Variants in ARMH4 observed in about 807,000 individuals in gnomAD.
ARMH4 encodes the protein armadillo-like helical domain-containing protein 4.
Under a neutral mutation model 61.9 loss-of-function variants are expected in ARMH4, and 49 were observed. The ratio of observed to expected loss-of-function variants is 0.79; its 90% confidence interval spans 0.63 to 1.00. ARMH4 has a LOEUF of 1.00. ARMH4 is among the 50% of genes least tolerant of loss of function. The pLI is 0.00. For missense variants in ARMH4, 934 were observed against 930.0 expected, an observed-to-expected ratio of 1.00 and a Z score of -0.06; for synonymous variants, 368 against 341.5, an observed-to-expected ratio of 1.08 and a Z score of -0.85.
At chr14:58,097,777 T>C (rs563845216) in intron 4 of ARMH4, among the ~76,000 whole-genome samples, 91 of 151,938 alleles carry the variant, frequency 6.0e-4, no homozygotes, top group African/African-American at 2.0e-3. Flanking sequence ...GTGATCATGG[T>C]TCACCACAGT....
chr14:58,047,732 A>G (rs1883990105), intron 5 of ARMH4, among the ~76,000 whole-genome samples: 1 of 152,198 alleles, frequency 6.6e-6, no homozygotes, highest in East Asian at 1.9e-4. Flanking sequence ...TAAGAATCTG[A>G]GGCAATGAAT....
At chr14:58,063,264 C>T (rs1399185649) in intron 5 of ARMH4, among the ~76,000 whole-genome samples, 1 of 152,192 alleles carries the variant, frequency 6.6e-6, no homozygotes, top group Non-Finnish European at 1.5e-5. Context: ...TGTCCCTCTT[C>T]TTATAGGGAC....
chr14:58,151,790 T>TGCGGAGCTGGGAGGCTGGGCTGGA (rs1594788709), intron 1 of ARMH4, among the ~76,000 whole-genome samples: 1 of 152,226 alleles, frequency 6.6e-6, no homozygotes, highest in East Asian at 1.9e-4. Flanking sequence ...GGCTCGCTGG[T>TGCGGAGCTGGGAGGCTGGGCTGGA]GCGGAGCTGG....
intron 5 of ARMH4, among the ~76,000 whole-genome samples, chr14:58,057,036 G>T (rs1199639881): frequency 1.3e-5 from 2 of 152,082 alleles, no homozygotes; most frequent in Non-Finnish European, 2.9e-5. Context: ...ACTTCAGAAG[G>T]ACCCTGGATC....
chr14:58,116,554 T>C (rs1217741592), intron 4 of ARMH4: 4 of 186,156 alleles, frequency 2.1e-5, no homozygotes, highest in Non-Finnish European at 2.3e-5. Flanking sequence ...TGCACATCTC[T>C]AGTCCCAGAT....
Position 58,004,517 on chromosome 14 carries a change from T to C in ARMH4, c.*219A>G. The C allele has an allele frequency of 4.9e-6, 2 of 411,066 alleles. No individual in the cohort carries two copies. Among genetic ancestry groups the C allele is most frequent in the Non-Finnish European group, 4.4e-6 (1 of 227,070 alleles). The allele number at this position is 411,066 out of a possible 1,614,324, so 25.5% of individuals were successfully genotyped here. On this transcript the variant is annotated 3_prime_UTR_variant, in exon 8 of 8. Coordinates refer to ENST00000267485, the MANE Select transcript of ARMH4 (RefSeq NM_001001872.4). ...AGTTGTAGCCCACGGTTGTGGAAAA[T>C]TCACTACAGAATAAAACCAAATACT... is the stretch of plus-strand genomic sequence containing the variant.
intron 5 of ARMH4, among the ~76,000 whole-genome samples, chr14:58,081,655 C>A (rs1229136678): frequency 6.6e-6 from 1 of 152,030 alleles, no homozygotes; most frequent in Non-Finnish European, 1.5e-5. Flanking sequence ...CACCCACCAC[C>A]ACGCCTGGCT....
At chr14:58,133,985 G>A (rs1388309705) in intron 2 of ARMH4, among the ~76,000 whole-genome samples, 5 of 152,184 alleles carry the variant, frequency 3.3e-5, no homozygotes, top group African/African-American at 9.6e-5. Context: ...TACTAGCTGT[G>A]TAAGCATAAA....
chr14:58,038,834 C>T (rs1445042413), intron 5 of ARMH4, among the ~76,000 whole-genome samples: 1 of 152,200 alleles, frequency 6.6e-6, no homozygotes, highest in African/African-American at 2.4e-5. Flanking sequence ...CATAATTAGA[C>T]AAACCACTAA....
intron 6 of ARMH4, among the ~76,000 whole-genome samples, chr14:58,008,470 G>C (rs1238773355): frequency 1.3e-5 from 2 of 151,706 alleles, no homozygotes; most frequent in East Asian, 3.8e-4. Flanking sequence ...TGGTTTTGAA[G>C]TTTTGTTTGT....
chr14:58,044,114 C>A (rs1160895505), intron 5 of ARMH4, among the ~76,000 whole-genome samples: 1 of 152,150 alleles, frequency 6.6e-6, no homozygotes, highest in Non-Finnish European at 1.5e-5. Flanking sequence ...GAAAAAACTA[C>A]TTTAAAGTTC....
chr14:58,131,485 A>G (rs1023331129), intron 4 of ARMH4, 27 bp downstream of exon 4: 1 of 1,589,322 alleles, frequency 6.3e-7, no homozygotes, highest in African/African-American at 1.3e-5. Flanking sequence ...CCAGTCCTTG[A>G]AAAGATCCCC....
intron 5 of ARMH4, among the ~76,000 whole-genome samples, chr14:58,043,810 AACAG>A (rs1461274712): frequency 1.3e-5 from 2 of 152,332 alleles, no homozygotes; most frequent in East Asian, 1.9e-4. Context: ...ATACACCAAT[AACAG>A]ACAGACAGAG....
At chr14:58,008,208 G>A (rs560451654) in intron 6 of ARMH4, among the ~76,000 whole-genome samples, 1 of 152,130 alleles carries the variant, frequency 6.6e-6, no homozygotes, top group African/African-American at 2.4e-5. Context: ...AATATATAAG[G>A]GTAAACAGGC....
At chr14:58,021,210 A>G (rs2347677) in intron 5 of ARMH4, among the ~76,000 whole-genome samples, 40,201 of 152,116 alleles carry the variant, frequency 0.26, 5,487 homozygotes, top group Non-Finnish European at 0.3. Context: ...CCCAAGTTTC[A>G]TCTTGAATTG....
At position 58,034,544 on chromosome 14, in the gene ARMH4, C is replaced by A. The variant is rs1883401823; in HGVS notation, c.2090-22394G>T. Among the ~76,000 whole-genome samples the A allele has an allele frequency of 1.8e-5, 2 of 111,948 alleles. 1 individual carries two copies. The highest frequency in any genetic ancestry group is 3.9e-5 in the Non-Finnish European group (2 of 51,610). The allele number at this position is 111,948 out of a possible 152,430, so 73.4% of individuals were successfully genotyped here. On this transcript the variant is annotated intron_variant, in intron 5 of 7. Coordinates refer to ENST00000267485, the MANE Select transcript of ARMH4 (RefSeq NM_001001872.4). ...CATCATAATGACAGGATCAAATTCA[C>A]ACATAACAATATTAACTTTAAATAT...
At chr14:58,136,068 A>T (rs1254011574) in intron 2 of ARMH4, among the ~76,000 whole-genome samples, 3 of 152,190 alleles carry the variant, frequency 2.0e-5, no homozygotes, top group Non-Finnish European at 4.4e-5. Context: ...TCCAGTCTGA[A>T]TGGTTCTATA....
chr14:58,118,497 T>C (rs1282163338), intron 4 of ARMH4, among the ~76,000 whole-genome samples: 1 of 52,066 alleles, frequency 1.9e-5, no homozygotes. Flanking sequence ...TTGGCTCTTC[T>C]ATGCGGGGGC....
rs193270810 is a variant in ARMH4, at chr14:58,088,974, G to A, written c.2089+7750C>T. Among the ~76,000 whole-genome samples the A allele has an allele frequency of 8.5e-5, 13 of 152,278 alleles. No individual in the cohort carries two copies. The East Asian group carries it at 2.3e-3, about 27-fold the overall frequency. On this transcript the variant is annotated intron_variant, in intron 5 of 7. Transcript: ENST00000267485. ...CAACCAGTAGATTCGGTTTAAGACAGTTGTTTTATAGGGGTAGCATCCAGG... is the reference window on the plus strand; with the variant it reads ...CAACCAGTAGATTCGGTTTAAGACAATTGTTTTATAGGGGTAGCATCCAGG...
Sources: gnomAD v4.1 joint callset for allele counts (sites outside exome capture counted in the v4.1 genomes callset) on GRCh38, gnomAD v4.1.1 for gene constraint, MANE v1.5 for transcripts, NCBI Gene and HGNC (gene_info 2026-07-23, HGNC 2026-07-21) for gene names.